Variants in DNAJC1 observed in about 807,000 individuals in gnomAD.
The protein encoded by DNAJC1 is dnaJ homolog subfamily C member 1.
A neutral mutation model predicts 76.6 loss-of-function variants in DNAJC1; 58 were observed. That is an observed-to-expected ratio of 0.76 (90% CI 0.61 to 0.94). DNAJC1 has a LOEUF of 0.94. Ranked by LOEUF, DNAJC1 falls within the 40% of genes least tolerant of loss-of-function variation. The pLI is 0.00. For missense variants in DNAJC1, 689 were observed against 677.3 expected, an observed-to-expected ratio of 1.02 and a Z score of -0.19; for synonymous variants, 258 against 267.9, an observed-to-expected ratio of 0.96 and a Z score of 0.36.
chr10:21,871,715 T>C (rs1025862391), intron 8 of DNAJC1, among the ~76,000 whole-genome samples: 3 of 151,972 alleles, frequency 2.0e-5, no homozygotes, highest in Admixed American at 2.0e-4. Flanking sequence ...TGGCGTGATC[T>C]CTTCTCACTG....
rs1299352605 is a variant in DNAJC1 at position 21,921,455 on chromosome 10, G to GTA, written c.372-494_372-493dup. On this transcript the variant is annotated intron_variant, in intron 3 of 11. Coordinates refer to ENST00000376980, the MANE Select transcript of DNAJC1 (RefSeq NM_022365.4). Reference sequence around the variant, plus strand: ...TAAACTACGGTGGCTCAAGGCTGAAGTATTTATACACATGATTTTATCAAA... The same window carrying GTA: ...TAAACTACGGTGGCTCAAGGCTGAAGTATATTTATACACATGATTTTATCAAA... Among the ~76,000 whole-genome samples, 22 of 152,096 alleles carry GTA rather than the reference G, an allele frequency of 1.4e-4. No individual in the cohort carries two copies. In the South Asian group the frequency reaches 3.3e-3, roughly 23 times the overall value.
intron 1 of DNAJC1, among the ~76,000 whole-genome samples, chr10:21,958,133 G>C (rs1400031250): frequency 6.6e-6 from 1 of 152,040 alleles, no homozygotes; most frequent in African/African-American, 2.4e-5. Context: ...CATATAAGTA[G>C]AAACCTGAAA....
chr10:21,967,236 T>C (rs921406573), intron 1 of DNAJC1, among the ~76,000 whole-genome samples: 2 of 152,174 alleles, frequency 1.3e-5, no homozygotes, highest in African/African-American at 2.4e-5. Context: ...CAGGCAAACA[T>C]TGATTTACTT....
intron 9 of DNAJC1, among the ~76,000 whole-genome samples, chr10:21,774,528 G>A (rs919469515): frequency 1.3e-5 from 2 of 152,146 alleles, no homozygotes; most frequent in African/African-American, 2.4e-5. Flanking sequence ...AGACTGGAGC[G>A]CAGTGGCGCA....
intron 9 of DNAJC1, among the ~76,000 whole-genome samples, chr10:21,794,920 AAT>A (rs1391500351): frequency 6.6e-6 from 1 of 152,172 alleles, no homozygotes. Context: ...TGCATTTTGT[AAT>A]ATCTGTATTC....
chr10:21,838,375 G>C (rs1458073938), intron 8 of DNAJC1, among the ~76,000 whole-genome samples: 1 of 152,110 alleles, frequency 6.6e-6, no homozygotes, highest in Non-Finnish European at 1.5e-5. Flanking sequence ...GGGTTAAATG[G>C]ATTAAGGGCG....
chr10:21,903,544 A>G (rs947979324), intron 7 of DNAJC1, among the ~76,000 whole-genome samples: 4 of 152,200 alleles, frequency 2.6e-5, no homozygotes, highest in Admixed American at 1.3e-4. Context: ...CTAGGTGCTC[A>G]GTGGATGCTC....
intron 1 of DNAJC1, among the ~76,000 whole-genome samples, chr10:21,984,358 G>A (rs1443655496): frequency 6.6e-6 from 1 of 152,156 alleles, no homozygotes; most frequent in Non-Finnish European, 1.5e-5. Context: ...AAGGACCCAG[G>A]CCACTACTAT....
At chr10:21,761,392 T>C (rs1834238729) in intron 10 of DNAJC1, among the ~76,000 whole-genome samples, 1 of 151,920 alleles carries the variant, frequency 6.6e-6, no homozygotes, top group African/African-American at 2.4e-5. Context: ...AAACCCTGTC[T>C]CTACAAAAAT....
At chr10:21,935,607 GACATAAACCTATATATCTAAGAATCTCA>G (rs1278340865) in intron 1 of DNAJC1, among the ~76,000 whole-genome samples, 2 of 151,896 alleles carry the variant, frequency 1.3e-5, no homozygotes, top group African/African-American at 4.8e-5. Context: ...ACTGATGAAA[GACATAAACCTATATATCTAAGAATCTCA>G]ACAAACCCCA....
chr10:21,876,642 AC>A (rs1273514001), intron 8 of DNAJC1, among the ~76,000 whole-genome samples: 1 of 152,226 alleles, frequency 6.6e-6, no homozygotes, highest in Non-Finnish European at 1.5e-5. Flanking sequence ...TGTACTAGAT[AC>A]CTATCATGAA....
chr10:21,954,322 G>A (rs1837647134), intron 1 of DNAJC1, among the ~76,000 whole-genome samples: 1 of 152,138 alleles, frequency 6.6e-6, no homozygotes, highest in Non-Finnish European at 1.5e-5. Context: ...TAGTCATAAT[G>A]ATACTTCCCA....
intron 1 of DNAJC1, among the ~76,000 whole-genome samples, chr10:21,961,090 G>A (rs1054159124): frequency 1.3e-5 from 2 of 152,166 alleles, no homozygotes; most frequent in African/African-American, 4.8e-5. Context: ...TGTTTTTGAG[G>A]ATGTGGAGAA....
At chr10:21,854,314 A>C (rs1835798073) in intron 8 of DNAJC1, among the ~76,000 whole-genome samples, 1 of 151,282 alleles carries the variant, frequency 6.6e-6, no homozygotes, top group Non-Finnish European at 1.5e-5. Flanking sequence ...AAAACCTTAC[A>C]TTATAAAAGG....
chr10:21,846,691 C>A (rs1835664517), intron 8 of DNAJC1, among the ~76,000 whole-genome samples: 1 of 151,908 alleles, frequency 6.6e-6, no homozygotes, highest in Admixed American at 6.6e-5. Context: ...TAAAAGCCAG[C>A]CAAAATGAGG....
At chr10:21,793,966 A>T (rs994214751) in intron 9 of DNAJC1, among the ~76,000 whole-genome samples, 8 of 151,576 alleles carry the variant, frequency 5.3e-5, no homozygotes, top group African/African-American at 1.7e-4. Flanking sequence ...ATAAATAAAA[A>T]TGTAAATAAA....
intron 7 of DNAJC1, among the ~76,000 whole-genome samples, chr10:21,888,713 A>G (rs578060992): frequency 6.6e-6 from 1 of 152,304 alleles, no homozygotes; most frequent in African/African-American, 2.4e-5. Flanking sequence ...CTTACAAGTG[A>G]GAGCTAAATT....
intron 1 of DNAJC1, among the ~76,000 whole-genome samples, chr10:21,932,855 C>T (rs920384354): frequency 9.9e-5 from 15 of 152,158 alleles, no homozygotes; most frequent in African/African-American, 3.6e-4. Flanking sequence ...ACTCCTTGGC[C>T]TCCCAAAGTG....
chr10:21,893,194 T>C (rs1836485350), intron 7 of DNAJC1, among the ~76,000 whole-genome samples: 1 of 152,156 alleles, frequency 6.6e-6, no homozygotes, highest in South Asian at 2.1e-4. Context: ...GAAAAGGGAA[T>C]TAAACTATTA....
Sources: allele counts gnomAD v4.1 joint callset (sites outside exome capture counted in the v4.1 genomes callset), GRCh38; gene constraint gnomAD v4.1.1; transcripts MANE v1.5; gene names NCBI Gene and HGNC (gene_info 2026-07-23, HGNC 2026-07-21).